MEOX2: variants seen among roughly 807,000 people sequenced by gnomAD.
MEOX2 encodes the protein mesenchyme homeobox 2.
A neutral mutation model predicts 27.0 loss-of-function variants in MEOX2; 11 were observed. The ratio of observed to expected loss-of-function variants is 0.41; its 90% CI spans 0.26 to 0.68. MEOX2 has a LOEUF of 0.68. Ranked by LOEUF, MEOX2 falls within the 30% of genes least tolerant of loss-of-function variation. The pLI is 0.33. For synonymous variants in MEOX2, 189 were observed against 155.4 expected (o/e 1.22, Z -1.61); for missense variants, 436 against 385.4 (o/e 1.13, Z -1.10).
At chr7:15,650,700 T>C (rs1781720508) in intron 1 of MEOX2, among the ~76,000 whole-genome samples, 1 of 151,556 alleles carries the variant, frequency 6.6e-6, no homozygotes, top group African/African-American at 2.4e-5. Flanking sequence ...AAAAATTGAG[T>C]TTTTTTGGGG....
chr7:15,667,310 A>AAAAAAAAAG (rs1782025042), intron 1 of MEOX2, among the ~76,000 whole-genome samples: 1 of 149,034 alleles, frequency 6.7e-6, no homozygotes, highest in African/African-American at 2.5e-5. Flanking sequence ...AAAAAAAAAA[A>AAAAAAAAAG]AAGTAGGAAA....
chr7:15,649,767 T>C (rs1781708589), intron 1 of MEOX2, among the ~76,000 whole-genome samples: 1 of 152,056 alleles, frequency 6.6e-6, no homozygotes, highest in South Asian at 2.1e-4. Flanking sequence ...GAGTATGGGG[T>C]ATTGCAAAAG....
intron 1 of MEOX2, among the ~76,000 whole-genome samples, chr7:15,660,719 T>G (rs1411581686): frequency 6.6e-6 from 1 of 152,048 alleles, no homozygotes; most frequent in African/African-American, 2.4e-5. Context: ...ACGGTCACCA[T>G]TGCTTTAAAA....
At chr7:15,681,503 C>T (rs976001447) in intron 1 of MEOX2, 1 of 151,668 alleles carries the variant, frequency 6.6e-6, no homozygotes. Flanking sequence ...TATTTCATTA[C>T]ATATGGAATT....
At chr7:15,663,514 T>C (rs1781949163) in intron 1 of MEOX2, among the ~76,000 whole-genome samples, 1 of 151,814 alleles carries the variant, frequency 6.6e-6, no homozygotes, top group Non-Finnish European at 1.5e-5. Context: ...TGTATTTTTT[T>C]TTTTTCAGTA....
chr7:15,627,093 T>C (rs1781321917), intron 1 of MEOX2, among the ~76,000 whole-genome samples, 175 bp from the exon 2 acceptor site: 1 of 151,976 alleles, frequency 6.6e-6, no homozygotes, highest in Non-Finnish European at 1.5e-5. Context: ...ATAATTCTTA[T>C]TTTTTTCATC....
intron 1 of MEOX2, chr7:15,668,144 T>C (rs531254270): frequency 5.3e-5 from 8 of 152,346 alleles, no homozygotes; most frequent in African/African-American, 1.9e-4. Context: ...GGGTGGAAAC[T>C]GTGTAGGTCT....
chr7:15,655,480 C>T (rs920845476), intron 1 of MEOX2, among the ~76,000 whole-genome samples: 2 of 151,506 alleles, frequency 1.3e-5, no homozygotes, highest in Non-Finnish European at 3.0e-5. Flanking sequence ...TGTTCTGAAA[C>T]CTTTTCTGTT....
At chr7:15,646,929 C>A (rs1022402094) in intron 1 of MEOX2, among the ~76,000 whole-genome samples, 6 of 151,992 alleles carry the variant, frequency 3.9e-5, no homozygotes, top group Non-Finnish European at 8.8e-5. Context: ...ATATTTGCTA[C>A]ATTAAAGGCA....
chr7:15,647,812 C>A (rs1448673205), intron 1 of MEOX2, among the ~76,000 whole-genome samples: 1 of 151,938 alleles, frequency 6.6e-6, no homozygotes, highest in African/African-American at 2.4e-5. Context: ...ATTTAATTGA[C>A]CTTAAAAAAT....
intron 1 of MEOX2, among the ~76,000 whole-genome samples, chr7:15,673,960 T>C (rs1259715673): frequency 6.6e-6 from 1 of 152,142 alleles, no homozygotes; most frequent in Non-Finnish European, 1.5e-5. Flanking sequence ...AGCAGTGCTC[T>C]AAATACACAC....
rs1323751067 is a variant in MEOX2 at position 15,686,082 on chromosome 7, G to T, written c.321C>A (p.Ser107Arg). The T allele has an allele frequency of 1.9e-6, 3 of 1,590,412 alleles. No individual in the cohort carries two copies. Among genetic ancestry groups the T allele is most frequent in the East Asian group, 2.3e-5 (1 of 43,312 alleles). ...MSSPPSAARHSLCLQPDSGGP... is the reference protein window; with the variant it reads ...MSSPPSAARHRLCLQPDSGGP... ...CTCCAGAGTCGGGCTGGAGGCAGAG[G>T]CTGTGCCGAGCCGCACTCGGTGGGG... is the stretch of plus-strand genomic sequence containing the variant. Residue 107 changes from serine (S) to arginine (R), a missense_variant, in exon 1 of 3, where the codon AGC (serine) becomes AGA (arginine). Coordinates refer to ENST00000262041, the MANE Select transcript of MEOX2 (RefSeq NM_005924.5).
intron 1 of MEOX2, chr7:15,681,696 T>C (rs763776996): frequency 1.3e-5 from 2 of 151,718 alleles, no homozygotes; most frequent in Admixed American, 6.6e-5. Context: ...ATGACTGAAG[T>C]ACTGTTTTTT....
At chr7:15,684,502 G>C (rs546660666) in intron 1 of MEOX2, among the ~76,000 whole-genome samples, 1 of 152,112 alleles carries the variant, frequency 6.6e-6, no homozygotes, top group Non-Finnish European at 1.5e-5. Context: ...CCTGACCTTG[G>C]AAAATAAAAG....
intron 2 of MEOX2, among the ~76,000 whole-genome samples, chr7:15,620,657 A>G (rs913529842): frequency 1.3e-5 from 2 of 152,240 alleles, no homozygotes; most frequent in Non-Finnish European, 1.5e-5. Flanking sequence ...TTTAGTAGTC[A>G]TCAAAAAAAT....
chr7:15,663,740 A>T (rs1049400875), intron 1 of MEOX2, among the ~76,000 whole-genome samples: 2 of 152,220 alleles, frequency 1.3e-5, no homozygotes, highest in African/African-American at 4.8e-5. Flanking sequence ...TATAAATTAA[A>T]TTAAACGCAC....
chr7:15,667,841 T>C (rs923219977), intron 1 of MEOX2: 3 of 152,230 alleles, frequency 2.0e-5, no homozygotes, highest in African/African-American at 7.2e-5. Flanking sequence ...GAAGTATTTA[T>C]ATCTGACCTG....
At chr7:15,665,818 C>A (rs758789169) in intron 1 of MEOX2, among the ~76,000 whole-genome samples, 59 of 152,102 alleles carry the variant, frequency 3.9e-4, no homozygotes, top group Non-Finnish European at 7.2e-4. Flanking sequence ...GCTGAATAAT[C>A]CTCAAAGGTA....
chr7:15,616,015 T>C (rs1284109643), intron 2 of MEOX2, among the ~76,000 whole-genome samples: 1 of 151,926 alleles, frequency 6.6e-6, no homozygotes, highest in South Asian at 2.1e-4. Flanking sequence ...TTATGGCCTA[T>C]TTTGTGTTGT....
Sources: allele counts gnomAD v4.1 joint callset (sites outside exome capture counted in the v4.1 genomes callset), GRCh38; gene constraint gnomAD v4.1.1; transcripts MANE v1.5; gene names NCBI Gene and HGNC (gene_info 2026-07-23, HGNC 2026-07-21).